BLTP1: variants seen among roughly 807,000 people sequenced by gnomAD.
BLTP1 encodes the protein fragile site-associated protein.
the BLTP1 span, chr4:122,169,590 A>G: frequency 4.2e-6 from 4 of 947,102 alleles, no homozygotes; most frequent in Non-Finnish European, 5.0e-6. Flanking sequence ...TTCTTGGATC[A>G]TAAAATATGA....
the BLTP1 span, chr4:122,215,492 G>C: frequency 1.0e-6 from 1 of 985,360 alleles, no homozygotes; most frequent in Non-Finnish European, 1.2e-6. Context: ...TGTTTGGGGA[G>C]AAGGTGGGAC....
chr4:122,168,097 G>C, the BLTP1 span, among the ~76,000 whole-genome samples: 4 of 152,112 alleles, frequency 2.6e-5, no homozygotes, highest in Non-Finnish European at 5.9e-5. Flanking sequence ...CTTTATTTCT[G>C]TACTTGCTTA....
the BLTP1 span, chr4:122,270,382 A>G: frequency 6.1e-6 from 6 of 980,636 alleles, no homozygotes; most frequent in Non-Finnish European, 7.3e-6. Context: ...GCTTATTGTT[A>G]TTATTGGTAG....
At chr4:122,272,491 A>G in the BLTP1 span, 3 of 1,204,700 alleles carry the variant, frequency 2.5e-6, no homozygotes, top group South Asian at 5.2e-5. Flanking sequence ...ATGTCTCCAA[A>G]ATTCCTAATT....
the BLTP1 span, chr4:122,154,428 A>G: frequency 2.0e-6 from 2 of 985,060 alleles, no homozygotes; most frequent in Non-Finnish European, 2.4e-6. Flanking sequence ...CTTTTGAGCT[A>G]TTGATACCTG....
the BLTP1 span, among the ~76,000 whole-genome samples, chr4:122,186,660 A>G: frequency 4.6e-5 from 7 of 152,108 alleles, no homozygotes; most frequent in East Asian, 1.9e-4. Flanking sequence ...AGATTGTTCC[A>G]TATCTGTATA....
the BLTP1 span, among the ~76,000 whole-genome samples, chr4:122,241,631 A>G: frequency 6.6e-6 from 1 of 152,194 alleles, no homozygotes; most frequent in African/African-American, 2.4e-5. Flanking sequence ...CATTTGAATA[A>G]TATGTATTGA....
At chr4:122,207,131 G>A in the BLTP1 span, 1 of 1,605,502 alleles carries the variant, frequency 6.2e-7, no homozygotes, top group Non-Finnish European at 8.5e-7. Flanking sequence ...GACTGGTCTA[G>A]TGACAGTCCT....
At chr4:122,262,829 T>G in the BLTP1 span, 1 of 1,613,860 alleles carries the variant, frequency 6.2e-7, no homozygotes, top group Non-Finnish European at 8.5e-7. Flanking sequence ...CTCCAGTGCA[T>G]GTTGGACGTG....
the BLTP1 span, chr4:122,226,674 CAG>C: frequency 1.9e-6 from 3 of 1,611,416 alleles, no homozygotes; most frequent in Admixed American, 5.1e-5. Flanking sequence ...AGAATGCTAA[CAG>C]TGTTGTCAAC....
chr4:122,193,408 T>C, the BLTP1 span: 1 of 154,636 alleles, frequency 6.5e-6, no homozygotes, highest in Non-Finnish European at 1.4e-5. Flanking sequence ...GGGTGAATCA[T>C]TGAGGCAAGG....
the BLTP1 span, chr4:122,245,203 C>T: frequency 1.4e-6 from 2 of 1,435,522 alleles, no homozygotes; most frequent in Non-Finnish European, 1.9e-6. Flanking sequence ...ACAGAATATT[C>T]AAACTTGAAA....
chr4:122,324,306 G>A, the BLTP1 span: 2 of 987,114 alleles, frequency 2.0e-6, no homozygotes, highest in Non-Finnish European at 2.8e-6. Context: ...ATATTGTTAA[G>A]TAACATTAAA....
the BLTP1 span, among the ~76,000 whole-genome samples, chr4:122,169,188 C>T: frequency 6.6e-6 from 1 of 152,084 alleles, no homozygotes; most frequent in East Asian, 1.9e-4. Flanking sequence ...CTTCTGGCCT[C>T]AAGAGTTCTT....
At chr4:122,336,946 A>T in the BLTP1 span, 4 of 1,612,300 alleles carry the variant, frequency 2.5e-6, 1 homozygote, top group East Asian at 4.5e-5. Flanking sequence ...AGAATCAACA[A>T]CATCACTAGT....
the BLTP1 span, among the ~76,000 whole-genome samples, chr4:122,297,289 C>G: frequency 6.6e-6 from 1 of 152,054 alleles, no homozygotes; most frequent in African/African-American, 2.4e-5. Flanking sequence ...ACGTGGCCAA[C>G]AAACGTATGA....
the BLTP1 span, among the ~76,000 whole-genome samples, chr4:122,158,117 G>A: frequency 1.3e-5 from 2 of 152,150 alleles, no homozygotes; most frequent in East Asian, 3.8e-4. Flanking sequence ...GTTGATGCTA[G>A]CATTTTAGTG....
At chr4:122,288,777 AG>A in the BLTP1 span, 1 of 543,532 alleles carries the variant, frequency 1.8e-6, no homozygotes, top group Non-Finnish European at 2.3e-6. Context: ...ATTTTACTCT[AG>A]GAGAAAATTT....
chr4:122,170,659 G>A, the BLTP1 span: 4 of 1,575,488 alleles, frequency 2.5e-6, no homozygotes, highest in South Asian at 3.6e-5. Context: ...TGGATCAAAG[G>A]AAGAATGAGA....
Sources: allele counts gnomAD v4.1 joint callset (sites outside exome capture counted in the v4.1 genomes callset), GRCh38; gene constraint gnomAD v4.1.1; transcripts MANE v1.5; gene names NCBI Gene and HGNC (gene_info 2026-07-23, HGNC 2026-07-21).